Variants in ADGRL4 observed in about 807,000 individuals in gnomAD.
ADGRL4 encodes EGF, latrophilin and seven transmembrane domain containing 1.
In ADGRL4, 90 loss-of-function variants were observed where a neutral mutation model predicts 74.8. The ratio of observed to expected loss-of-function variants is 1.20; its 90% CI spans 1.02 to 1.43. The LOEUF is 1.43. ADGRL4 is among the 40% of genes most tolerant of loss of function. ADGRL4 has a pLI of 0.00. For synonymous variants in ADGRL4, 311 were observed against 279.2 expected, an observed-to-expected ratio of 1.11 and a Z score of -1.14; for missense variants, 881 against 814.3, an observed-to-expected ratio of 1.08 and a Z score of -1.00.
intron 7 of ADGRL4, among the ~76,000 whole-genome samples, chr1:78,929,598 G>A (rs1649197167): frequency 6.6e-6 from 1 of 151,496 alleles, no homozygotes; most frequent in East Asian, 1.9e-4. Flanking sequence ...TTTAAAGAAT[G>A]CATGTGTTTT....
At position 78,946,418 on chromosome 1, in the gene ADGRL4, C is replaced by T. The variant is rs772127375; in HGVS notation, c.181G>A (p.Glu61Lys). Residue 61 changes from glutamate (E) to lysine (K), a missense_variant, in exon 3 of 15, where the codon GAA becomes AAA. Coordinates refer to ENST00000370742, the MANE Select transcript of ADGRL4 (RefSeq NM_022159.4). ...NGVTICEDDN[E>K]CGNLTQSCGE... ...CAGGACTGAGTTAAATTTCCACATTCATTATCATCTGTTGGCATATGAATT... is the reference window on the plus strand; with the variant it reads ...CAGGACTGAGTTAAATTTCCACATTTATTATCATCTGTTGGCATATGAATT... 5 of 1,606,944 alleles carry T rather than the reference C, an allele frequency of 3.1e-6. No homozygotes were observed. The highest frequency in any genetic ancestry group is 1.7e-5 in the Admixed American group (1 of 58,772).
At position 78,939,036 on chromosome 1, in the gene ADGRL4, C is replaced by G. The variant is rs184963267; in HGVS notation, c.396+152G>C. ...TTTCAAATTAACCCTATCTTTGATG[C>G]AAACATGATGCTTAGATCTCTATAT... On this transcript the variant is annotated intron_variant, in intron 4 of 14. Coordinates refer to ENST00000370742, the MANE Select transcript of ADGRL4 (RefSeq NM_022159.4). The G allele has an allele frequency of 1.8e-4, 186 of 1,034,498 alleles. 1 individual carries two copies. The African/African-American group carries it at 2.8e-3, about 16-fold the overall frequency. The allele number at this position is 1,034,498 out of a possible 1,614,324, so 64.1% of individuals were successfully genotyped here.
chr1:78,956,042 A>T (rs558856539), intron 2 of ADGRL4, among the ~76,000 whole-genome samples: 2 of 152,324 alleles, frequency 1.3e-5, no homozygotes, highest in East Asian at 3.9e-4. Context: ...ATCCAACAGC[A>T]TATAGCATCA....
chr1:78,981,299 G>A (rs147464270), intron 2 of ADGRL4, among the ~76,000 whole-genome samples: 95 of 152,050 alleles, frequency 6.2e-4, no homozygotes, highest in African/African-American at 2.1e-3. Context: ...GAATGAATGC[G>A]AAGTGTTTCA....
At chr1:78,931,493 C>T (rs1336867522) in intron 7 of ADGRL4, among the ~76,000 whole-genome samples, 1 of 151,300 alleles carries the variant, frequency 6.6e-6, no homozygotes, top group Non-Finnish European at 1.5e-5. Context: ...AATATAAAGA[C>T]CAATGACACT....
At chr1:79,004,044 G>A (rs1021383176) in intron 2 of ADGRL4, among the ~76,000 whole-genome samples, 5 of 151,814 alleles carry the variant, frequency 3.3e-5, no homozygotes, top group African/African-American at 4.8e-5. Context: ...TACTAAACAC[G>A]GCATATTTAA....
intron 2 of ADGRL4, among the ~76,000 whole-genome samples, chr1:78,999,968 G>C (rs1043176981): frequency 2.7e-5 from 4 of 148,904 alleles, no homozygotes; most frequent in African/African-American, 9.9e-5. Context: ...GCATTTTTTT[G>C]TGCATAAGTA....
intron 7 of ADGRL4, among the ~76,000 whole-genome samples, chr1:78,928,522 C>T (rs1286681962): frequency 1.3e-5 from 2 of 151,262 alleles, no homozygotes; most frequent in African/African-American, 4.9e-5. Context: ...AATCATCATC[C>T]ATTCTTCCTA....
chr1:78,911,607 A>G (rs1364033426), intron 12 of ADGRL4, among the ~76,000 whole-genome samples: 4 of 22,742 alleles, frequency 1.8e-4, no homozygotes, highest in African/African-American at 5.5e-4. Context: ...TTAAAAATCA[A>G]GATCTAAACA....
chr1:79,001,211 G>GAGGA (rs1650836289), intron 2 of ADGRL4, among the ~76,000 whole-genome samples: 1 of 71,756 alleles, frequency 1.4e-5, no homozygotes, highest in Non-Finnish European at 2.9e-5. Context: ...GGAAGGAAGG[G>GAGGA]AGGAAGGGAG....
chr1:78,906,578 T>A (rs564038352), intron 12 of ADGRL4, among the ~76,000 whole-genome samples: 1 of 152,124 alleles, frequency 6.6e-6, no homozygotes, highest in South Asian at 2.1e-4. Context: ...TTTACAACAA[T>A]GTAAATTGAT....
chr1:78,966,764 C>A (rs746319690), intron 2 of ADGRL4, among the ~76,000 whole-genome samples: 17 of 152,090 alleles, frequency 1.1e-4, no homozygotes, highest in Non-Finnish European at 2.5e-4. Flanking sequence ...GGTGGAGGCA[C>A]CATTTGAATA....
chr1:78,994,569 T>G (rs959809351), intron 2 of ADGRL4, among the ~76,000 whole-genome samples: 2 of 152,232 alleles, frequency 1.3e-5, no homozygotes, highest in African/African-American at 2.4e-5. Context: ...GCAGAGTCCA[T>G]CGTCAGTTTA....
At chr1:78,897,431 T>G (rs1212722596) in intron 12 of ADGRL4, among the ~76,000 whole-genome samples, 1 of 152,160 alleles carries the variant, frequency 6.6e-6, no homozygotes, top group African/African-American at 2.4e-5. Context: ...GGAATCCTGT[T>G]AAGTCAGTTT....
At chr1:78,935,092 T>G (rs7530519) in intron 7 of ADGRL4, among the ~76,000 whole-genome samples, 93,221 of 151,994 alleles carry the variant, frequency 0.61, 28,748 homozygotes, top group East Asian at 0.7. Context: ...CTACTATAAA[T>G]ACACATGGGC....
Position 78,928,576 on chromosome 1 carries a change from G to T in ADGRL4, c.878-1485C>A, listed in dbSNP as rs186096193. 3.5e-4 allele frequency among the ~76,000 whole-genome samples: 53 copies of T among 151,338 alleles called. No individual in the cohort carries two copies. The East Asian group carries it at 8.7e-3, about 25-fold the overall frequency. ...GCTTACTTTAGTCTTTTTGCCCTAAGATCTTTCCTGTATTTGTTAACATTA... is the reference window on the plus strand; with the variant it reads ...GCTTACTTTAGTCTTTTTGCCCTAATATCTTTCCTGTATTTGTTAACATTA... On this transcript the variant is annotated intron_variant, in intron 7 of 14. Transcript: ENST00000370742.
intron 8 of ADGRL4, among the ~76,000 whole-genome samples, chr1:78,926,620 ACAGTG>A (rs1649119854): frequency 1.3e-5 from 2 of 152,044 alleles, no homozygotes; most frequent in Non-Finnish European, 2.9e-5. Flanking sequence ...TCCAAAATAA[ACAGTG>A]TACTTATAAA....
intron 2 of ADGRL4, among the ~76,000 whole-genome samples, chr1:78,987,332 A>T (rs149560977): frequency 1.1e-3 from 161 of 151,924 alleles, no homozygotes; most frequent in Non-Finnish European, 1.9e-3. Flanking sequence ...TAAAAATGGT[A>T]ACATTTCTTC....
chr1:78,943,773 A>C (rs1411463447), intron 3 of ADGRL4, among the ~76,000 whole-genome samples: 1 of 152,206 alleles, frequency 6.6e-6, no homozygotes, highest in Non-Finnish European at 1.5e-5. Context: ...ACTGCTTTTC[A>C]AAAAAGCTTA....
Sources: allele counts gnomAD v4.1 joint callset (sites outside exome capture counted in the v4.1 genomes callset), GRCh38; gene constraint gnomAD v4.1.1; transcripts MANE v1.5; gene names NCBI Gene and HGNC (gene_info 2026-07-23, HGNC 2026-07-21).